LPAR1: variants seen among roughly 807,000 people sequenced by gnomAD.
The protein encoded by LPAR1 is LPA receptor 1.
In LPAR1, 5 loss-of-function variants were observed where a neutral mutation model predicts 23.8. That is an observed-to-expected ratio of 0.21 (90% CI 0.11 to 0.44). The LOEUF (loss-of-function observed/expected upper bound fraction) is 0.44, where lower values mean the gene tolerates loss of function less well. Ranked by LOEUF, LPAR1 falls within the 20% of genes least tolerant of loss-of-function variation. The pLI is 0.99. For synonymous variants in LPAR1, 160 were observed against 164.7 expected (o/e 0.97, Z 0.22); for missense variants, 311 against 482.8 (o/e 0.64, Z 3.33).
At chr9:111,030,032 T>A (rs1166146835) in intron 2 of LPAR1, among the ~76,000 whole-genome samples, 1 of 112,722 alleles carries the variant, frequency 8.9e-6, no homozygotes, top group Non-Finnish European at 1.7e-5. Flanking sequence ...GGCAATAAAG[T>A]GAGGCTCTGC....
intron 5 of LPAR1, among the ~76,000 whole-genome samples, chr9:110,925,891 CAATT>C (rs1369674536): frequency 6.6e-6 from 1 of 152,106 alleles, no homozygotes; most frequent in Non-Finnish European, 1.5e-5. Flanking sequence ...CTAGGTCACA[CAATT>C]AACATGTCAT....
intron 5 of LPAR1, among the ~76,000 whole-genome samples, chr9:110,940,435 T>C (rs2095023270): frequency 6.6e-6 from 1 of 152,228 alleles, no homozygotes; most frequent in Non-Finnish European, 1.5e-5. Flanking sequence ...TTATAGGAAC[T>C]TTCCATTGAA....
intron 5 of LPAR1, among the ~76,000 whole-genome samples, chr9:110,899,374 A>G (rs540616779): frequency 5.3e-5 from 8 of 152,368 alleles, no homozygotes; most frequent in South Asian, 2.1e-4. Context: ...CATTCGATCC[A>G]TAAATAATAT....
At chr9:110,880,654 C>T (rs1459774347) in intron 5 of LPAR1, among the ~76,000 whole-genome samples, 1 of 152,200 alleles carries the variant, frequency 6.6e-6, no homozygotes, top group Non-Finnish European at 1.5e-5. Flanking sequence ...AATTCTACAA[C>T]AGCACTGTGC....
At chr9:110,944,991 A>G (rs1355811622) in intron 4 of LPAR1, among the ~76,000 whole-genome samples, 2 of 152,204 alleles carry the variant, frequency 1.3e-5, no homozygotes, top group African/African-American at 4.8e-5. Flanking sequence ...AGAGTAGAAA[A>G]TACACCAGGA....
chr9:110,978,148 G>A (rs2096598557), intron 2 of LPAR1, among the ~76,000 whole-genome samples: 1 of 151,998 alleles, frequency 6.6e-6, no homozygotes, highest in Non-Finnish European at 1.5e-5. Context: ...AAATTCCAGG[G>A]GACATAGTAG....
Position 111,036,654 on chromosome 9 carries a change from G to A in LPAR1, c.-261-453C>T, listed in dbSNP as rs2097901954. On this transcript the variant is annotated intron_variant, in intron 1 of 5. Transcript: ENST00000683809. ...AGCTGACCCGACTGGCTGAGGTCGCGCCGCTAGGGGACGTGGTGTACCTTG... is the reference window on the plus strand; with the variant it reads ...AGCTGACCCGACTGGCTGAGGTCGCACCGCTAGGGGACGTGGTGTACCTTG... 1.3e-5 allele frequency among the ~76,000 whole-genome samples: 2 copies of A among 152,156 alleles called. 1 individual carries two copies. The highest frequency in any genetic ancestry group is 4.1e-4 in the South Asian group (2 of 4,820).
At chr9:110,882,369 C>T (rs2081118969) in intron 5 of LPAR1, among the ~76,000 whole-genome samples, 1 of 152,100 alleles carries the variant, frequency 6.6e-6, no homozygotes, top group South Asian at 2.1e-4. Flanking sequence ...AGCTAAGCGC[C>T]TAGTACATAT....
intron 2 of LPAR1, among the ~76,000 whole-genome samples, chr9:111,012,446 C>A (rs1347570712): frequency 2.0e-5 from 3 of 147,696 alleles, no homozygotes; most frequent in Admixed American, 1.4e-4. Context: ...AACACAAACA[C>A]ACACATGCAT....
At chr9:111,007,178 G>A (rs191615274) in intron 2 of LPAR1, among the ~76,000 whole-genome samples, 194 of 152,190 alleles carry the variant, frequency 1.3e-3, no homozygotes, top group Non-Finnish European at 2.1e-4. Flanking sequence ...CCGAGCAGAT[G>A]CCAGCACCAT....
chr9:110,999,397 T>C (rs2140096049), intron 2 of LPAR1: 1 of 456,062 alleles, frequency 2.2e-6, no homozygotes, highest in African/African-American at 2.0e-5. Flanking sequence ...CCCTACCTCA[T>C]TTTCCAGAAC....
At chr9:110,925,434 T>C (rs948849314) in intron 5 of LPAR1, among the ~76,000 whole-genome samples, 1 of 152,154 alleles carries the variant, frequency 6.6e-6, no homozygotes, top group Non-Finnish European at 1.5e-5. Flanking sequence ...GATAGTCTCA[T>C]AATCCTGATA....
At chr9:111,026,438 G>A (rs1588928237) in intron 2 of LPAR1, among the ~76,000 whole-genome samples, 1 of 152,184 alleles carries the variant, frequency 6.6e-6, no homozygotes, top group East Asian at 1.9e-4. Flanking sequence ...TGAGACGACA[G>A]GGTTTTCTAA....
intron 4 of LPAR1, among the ~76,000 whole-genome samples, chr9:110,952,434 C>G (rs1301640067): frequency 6.6e-6 from 1 of 152,126 alleles, no homozygotes; most frequent in Admixed American, 6.5e-5. Flanking sequence ...CAAAGCACCA[C>G]TTTGAGAACC....
intron 5 of LPAR1, among the ~76,000 whole-genome samples, chr9:110,889,953 G>A (rs1293814803): frequency 1.3e-5 from 2 of 151,798 alleles, no homozygotes; most frequent in Admixed American, 6.6e-5. Flanking sequence ...AATATATAAC[G>A]TCCCCAAAAG....
intron 5 of LPAR1, among the ~76,000 whole-genome samples, chr9:110,918,195 T>C (rs1485296479): frequency 3.2e-4 from 48 of 152,084 alleles, no homozygotes; most frequent in African/African-American, 9.7e-5. Context: ...GCTAGAATTA[T>C]AGGTGTGAGC....
intron 2 of LPAR1, among the ~76,000 whole-genome samples, chr9:111,017,072 C>T (rs552807263): frequency 2.4e-4 from 36 of 152,238 alleles, no homozygotes; most frequent in African/African-American, 8.4e-4. Flanking sequence ...CTGGTTAGTC[C>T]TTATCTTCAT....
intron 2 of LPAR1, among the ~76,000 whole-genome samples, chr9:111,000,555 C>T (rs1298271525): frequency 6.6e-6 from 1 of 152,168 alleles, no homozygotes; most frequent in African/African-American, 2.4e-5. Flanking sequence ...TGCAATCCAG[C>T]AAGGACTGCT....
At chr9:110,998,115 G>A (rs2097054928) in intron 2 of LPAR1, among the ~76,000 whole-genome samples, 1 of 152,154 alleles carries the variant, frequency 6.6e-6, no homozygotes, top group African/African-American at 2.4e-5. Context: ...TGATGCTGGT[G>A]CTGCTCATGG....
Sources: allele counts gnomAD v4.1 joint callset (sites outside exome capture counted in the v4.1 genomes callset), GRCh38; gene constraint gnomAD v4.1.1; transcripts MANE v1.5; gene names NCBI Gene and HGNC (gene_info 2026-07-23, HGNC 2026-07-21).